The following DAPK3 variants were observed in gnomAD, a reference collection of about 807,000 sequenced individuals.
DAPK3 encodes death associated protein kinase 3, also known as death-associated protein kinase 3.
DAPK3 carries 24 observed loss-of-function variants against 30.6 expected under a neutral mutation model. That is an observed-to-expected ratio of 0.78 (90% CI 0.57 to 1.10). DAPK3 has a LOEUF of 1.10. DAPK3 is among the 50% of genes least tolerant of loss of function. DAPK3 has a pLI of 0.00. For synonymous variants in DAPK3, 341 were observed against 284.0 expected, an observed-to-expected ratio of 1.20 and a Z score of -2.02; for missense variants, 629 against 657.3, an observed-to-expected ratio of 0.96 and a Z score of 0.47.
In DAPK3 at chr19:3,959,163, G is replaced by C. The variant is rs774254988; in HGVS notation, c.1303C>G (p.Gln435Glu). 6.3e-7 allele frequency: 1 copy of C among 1,594,320 alleles called. No individual in the cohort carries two copies. The highest frequency in any genetic ancestry group is 1.3e-5 in the African/African-American group (1 of 74,864). The change falls in exon 9 of 9, where the codon CAG becomes GAG. Residue 435 changes from glutamine (Q) to glutamate (E), a missense_variant. By Grantham distance (29) the Gln-to-Glu change is conservative. Transcript: ENST00000545797. ...KQVASEMRFVQDLVRALEQEK... is the reference protein window; with the variant it reads ...KQVASEMRFVEDLVRALEQEK... ...TGCTCCAGGGCGCGCACGAGGTCCTGCACGAAGCGCATCTCGGAGGCTACT... is the reference window on the plus strand; with the variant it reads ...TGCTCCAGGGCGCGCACGAGGTCCTCCACGAAGCGCATCTCGGAGGCTACT...
At chr19:3,964,527 C>T (rs903717387) in intron 3 of DAPK3, 104 bp downstream of exon 3, 14 of 1,393,784 alleles carry the variant, frequency 1.0e-5, no homozygotes, top group Non-Finnish European at 1.3e-5. Context: ...CCACGCTCCC[C>T]ACACCTCACC....
chr19:3,960,558 C>T (rs991639018), intron 7 of DAPK3, among the ~76,000 whole-genome samples: 6 of 152,044 alleles, frequency 3.9e-5, no homozygotes, highest in African/African-American at 1.4e-4. Context: ...AAATCACAAA[C>T]CAAGGAGGTC....
In DAPK3 at chr19:3,958,673, C is replaced by A; in HGVS notation, c.*428G>T. On this transcript the variant is annotated 3_prime_UTR_variant, in exon 9 of 9. Coordinates refer to ENST00000545797, the MANE Select transcript of DAPK3 (RefSeq NM_001348.3). The stretch of plus-strand genomic sequence containing the variant: ...TGTCCGCCGTCCATCCCACCCTCCC[C>A]GTCCCACGACCTCCTCCTGGGCTAA... The A allele has an allele frequency of 2.7e-6, 1 of 373,200 alleles. No individual in the cohort carries two copies. Among genetic ancestry groups the A allele is most frequent in the Admixed American group, 3.3e-5 (1 of 30,026 alleles). 23.1% of individuals were successfully genotyped at this position (373,200 alleles called of 1,614,324 possible).
chr19:3,962,999 G>C (rs2039534817), intron 6 of DAPK3, among the ~76,000 whole-genome samples: 1 of 152,068 alleles, frequency 6.6e-6, no homozygotes, highest in Admixed American at 6.6e-5. Context: ...CTACTCAGGA[G>C]ACTGAGGCAG....
chr19:3,960,803 CAAAAA>C lies in DAPK3; in HGVS notation c.782+201_782+205del, dbSNP rs34304441. ...CGTCTCAAAAAAAAAGACTCCGTCT[CAAAAA>C]AAAAAAAAAAAAAAAACCATGGCAA... is the stretch of plus-strand genomic sequence containing the variant. On this transcript the variant is annotated intron_variant, in intron 7 of 8. Coordinates refer to ENST00000545797, the MANE Select transcript of DAPK3 (RefSeq NM_001348.3). Among the ~76,000 whole-genome samples, 2 of 94,030 alleles carry C rather than the reference CAAAAA, an allele frequency of 2.1e-5. 1 individual carries two copies. Among genetic ancestry groups the C allele is most frequent in the Admixed American group, 2.5e-4 (2 of 7,996 alleles). The allele number at this position is 94,030 out of a possible 152,430, so 61.7% of individuals were successfully genotyped here.
chr19:3,966,770 C>T (rs1480065887), intron 2 of DAPK3, among the ~76,000 whole-genome samples: 1 of 152,220 alleles, frequency 6.6e-6, no homozygotes, highest in African/African-American at 2.4e-5. Flanking sequence ...CTATTGCCAA[C>T]CAGATTTCAG....
At position 3,964,381 on chromosome 19, in the gene DAPK3, G is replaced by A. The variant is rs1245145903; in HGVS notation, c.424-8C>T. On this transcript the variant is annotated splice_region_variant and splice_polypyrimidine_tract_variant and intron_variant, in intron 3 of 8. Coordinates refer to ENST00000545797, the MANE Select transcript of DAPK3 (RefSeq NM_001348.3). The stretch of plus-strand genomic sequence containing the variant: ...CAGCATGATGTTTTCCGGCTGGGGT[G>A]GGAGGAGGCTCAGCAGGGAAAGCAC... The A allele has an allele frequency of 2.5e-6, 4 of 1,609,856 alleles. No individual in the cohort carries two copies. Among genetic ancestry groups the A allele is most frequent in the African/African-American group, 1.3e-5 (1 of 74,792 alleles).
At position 3,963,846 on chromosome 19, in the gene DAPK3, C is replaced by T. The variant is rs8102159; in HGVS notation, c.602+25G>A. 8.7e-3 allele frequency: 13,185 copies of T among 1,520,884 alleles called. 879 individuals are homozygous for T. In the African/African-American group the frequency reaches 0.15, roughly 18 times the overall value. 94.2% of individuals were successfully genotyped at this position (1,520,884 alleles called of 1,614,324 possible). ...TGCGCTCCAGGAATGCAGGGAGGCC[C>T]GGTGGGAGCAGGTGGTACACTCACC... is the stretch of plus-strand genomic sequence containing the variant. On this transcript the variant is annotated intron_variant, in intron 5 of 8. Coordinates refer to ENST00000545797, the MANE Select transcript of DAPK3 (RefSeq NM_001348.3).
Position 3,959,429 on chromosome 19 carries a change from CG to C in DAPK3, c.1036del (p.Arg346GlyfsTer82). The C allele has an allele frequency of 6.4e-7, 1 of 1,552,034 alleles. No homozygotes were observed. Among genetic ancestry groups the C allele is most frequent in the Non-Finnish European group, 8.7e-7 (1 of 1,155,584 alleles). ...CTCCACGTCCTCGTGGCAGAGCCGC[CG>C]GCTGCGCTGCAGCTCGCGCAGGCCC... ...EEGLRELQRS[R>X]RLCHEDVEAL... On this transcript the variant is annotated frameshift_variant, in exon 9 of 9. Transcript: ENST00000545797. LOFTEE classifies it low-confidence loss of function (END_TRUNC).
chr19:3,967,483 A>G (rs1352405890), intron 2 of DAPK3, among the ~76,000 whole-genome samples: 1 of 152,206 alleles, frequency 6.6e-6, no homozygotes, highest in African/African-American at 2.4e-5. Flanking sequence ...GGCCAGGCAC[A>G]GTGGCTCACA....
rs752845600 is a variant in DAPK3 at position 3,969,635 on chromosome 19, C to T, written c.62+39G>A. 35 of 1,383,308 alleles carry T rather than the reference C, an allele frequency of 2.5e-5. No homozygotes were observed. The Middle Eastern group carries it at 5.3e-4, about 21-fold the overall frequency. 85.7% of individuals were successfully genotyped at this position (1,383,308 alleles called of 1,614,324 possible). A position where few individuals can be genotyped will look rare whatever the true frequency, so the allele number is the denominator to read the frequency against. Reference sequence around the variant, plus strand: ...TCAGAAAACCCCACAGCGCCTCTCTCCTATCCCTGGAGCCCAGCCGTGCGG... The same window carrying T: ...TCAGAAAACCCCACAGCGCCTCTCTTCTATCCCTGGAGCCCAGCCGTGCGG... On this transcript the variant is annotated intron_variant, in intron 2 of 8. Transcript: ENST00000545797.
chr19:3,967,938 G>C (rs1200609267), intron 2 of DAPK3, among the ~76,000 whole-genome samples: 1 of 152,148 alleles, frequency 6.6e-6, no homozygotes, highest in Non-Finnish European at 1.5e-5. Context: ...ATACACACCA[G>C]ACCTCCAAGG....
chr19:3,969,795 G>A lies in DAPK3; in HGVS notation c.-60C>T, dbSNP rs2034207438. 10 of 1,280,904 alleles carry A rather than the reference G, an allele frequency of 7.8e-6. No homozygotes were observed. The South Asian group carries it at 1.1e-4, about 14-fold the overall frequency. 79.3% of individuals were successfully genotyped at this position (1,280,904 alleles called of 1,614,324 possible). A position where few individuals can be genotyped will look rare whatever the true frequency, so the allele number is the denominator to read the frequency against. On this transcript the variant is annotated 5_prime_UTR_variant, in exon 2 of 9. Coordinates refer to ENST00000545797, the MANE Select transcript of DAPK3 (RefSeq NM_001348.3). ...AGGGAAAGTGCAGTCACCGCAGCCT[G>A]GAGATAGGACCTCAGGAGTCCCCTA...
intron 7 of DAPK3, among the ~76,000 whole-genome samples, chr19:3,960,337 G>C (rs2039495870): frequency 6.6e-6 from 1 of 152,140 alleles, no homozygotes; most frequent in South Asian, 2.1e-4. Flanking sequence ...AGAGGGACTG[G>C]GCGGCCATGG....
chr19:3,969,506 C>T (rs1427390566), intron 2 of DAPK3, among the ~76,000 whole-genome samples, 168 bp downstream of exon 2: 2 of 152,148 alleles, frequency 1.3e-5, no homozygotes, highest in African/African-American at 4.8e-5. Flanking sequence ...AATTCACAGC[C>T]GGGGCTGTCT....
At position 3,958,699 on chromosome 19, in the gene DAPK3, T is replaced by C. The variant is rs1239773573; in HGVS notation, c.*402A>G. On this transcript the variant is annotated 3_prime_UTR_variant, in exon 9 of 9. Transcript: ENST00000545797. ...GTCCCACGACCTCCTCCTGGGCTAATGGCAGCAACAGGCAGCACCCCGCCG... is the reference window on the plus strand; with the variant it reads ...GTCCCACGACCTCCTCCTGGGCTAACGGCAGCAACAGGCAGCACCCCGCCG... 3 of 348,040 alleles carry C rather than the reference T, an allele frequency of 8.6e-6. No homozygotes were observed. The highest frequency in any genetic ancestry group is 3.7e-5 in the Admixed American group (1 of 26,682). The allele number at this position is 348,040 out of a possible 1,614,324, so 21.6% of individuals were successfully genotyped here.
rs111483407 is a variant in DAPK3 at position 3,964,611 on chromosome 19, C to T, written c.423+20G>A. On this transcript the variant is annotated intron_variant, in intron 3 of 8. Transcript: ENST00000545797. Reference sequence around the variant, plus strand: ...CCCCACACTGGCCAGGCCGGCCCCACAGGGCCCTACAGGGCTCACCTTCAG... The same window carrying T: ...CCCCACACTGGCCAGGCCGGCCCCATAGGGCCCTACAGGGCTCACCTTCAG... The T allele has an allele frequency of 3.6e-5, 58 of 1,592,532 alleles. No homozygotes were observed. In the African/African-American group the frequency reaches 7.4e-4, roughly 20 times the overall value.
At position 3,958,916 on chromosome 19, in the gene DAPK3, C is replaced by G; in HGVS notation, c.*185G>C. 1.7e-6 allele frequency: 1 copy of G among 583,132 alleles called. No homozygotes were observed. The highest frequency in any genetic ancestry group is 3.0e-6 in the Non-Finnish European group (1 of 329,742). The allele number at this position is 583,132 out of a possible 1,614,324, so 36.1% of individuals were successfully genotyped here. On this transcript the variant is annotated 3_prime_UTR_variant, in exon 9 of 9. Coordinates refer to ENST00000545797, the MANE Select transcript of DAPK3 (RefSeq NM_001348.3). ...TGGAGGCTGTGTAGAGAAGCAGCCC[C>G]GTCCCACACCCACCCCTGCCTGCGA...
intron 7 of DAPK3, among the ~76,000 whole-genome samples, chr19:3,960,803 CAAAA>C (rs34304441): frequency 1.1e-5 from 1 of 94,032 alleles, no homozygotes; most frequent in African/African-American, 4.4e-5. Context: ...GACTCCGTCT[CAAAA>C]AAAAAAAAAA....
Sources: gnomAD v4.1 joint callset for allele counts (sites outside exome capture counted in the v4.1 genomes callset) on GRCh38, gnomAD v4.1.1 for gene constraint, MANE v1.5 for transcripts, NCBI Gene and HGNC (gene_info 2026-07-23, HGNC 2026-07-21) for gene names.